RHOJ: variants seen among roughly 807,000 people sequenced by gnomAD.
RHOJ encodes ras homolog family member J.
In RHOJ, 11 loss-of-function variants were observed where a neutral mutation model predicts 23.4. The ratio of observed to expected loss-of-function variants is 0.47; its 90% CI spans 0.30 to 0.78. The LOEUF is 0.78. Among genes scored for constraint, RHOJ ranks in the 30% least tolerant of loss-of-function variants. The probability of loss-of-function intolerance (pLI) is 0.08; values close to 1 mark genes in which losing one functional copy is unlikely to be tolerated. For synonymous variants in RHOJ, 102 were observed against 102.7 expected (o/e 0.99, Z 0.04); for missense variants, 254 against 273.4 (o/e 0.93, Z 0.50).
At chr14:63,253,796 G>T (rs17824486) in intron 1 of RHOJ, among the ~76,000 whole-genome samples, 8,279 of 152,258 alleles carry the variant, frequency 0.054, 278 homozygotes, top group East Asian at 0.13. Context: ...ACTGGTAGAG[G>T]GTCAACCAAT....
intron 1 of RHOJ, among the ~76,000 whole-genome samples, chr14:63,206,759 A>C (rs1468451305): frequency 6.6e-6 from 1 of 152,234 alleles, no homozygotes; most frequent in African/African-American, 2.4e-5. Context: ...TTTATGTTTT[A>C]ATAATGTACA....
At chr14:63,247,179 AT>A (rs1176075620) in intron 1 of RHOJ, among the ~76,000 whole-genome samples, 1 of 152,196 alleles carries the variant, frequency 6.6e-6, no homozygotes, top group Non-Finnish European at 1.5e-5. Context: ...AGTTGGTAGA[AT>A]TGTGTTGAAA....
rs1882232129 is a variant in RHOJ, at chr14:63,290,973, G to A, written c.594G>A (p.Lys198=). The A allele has an allele frequency of 6.2e-7, 1 of 1,613,984 alleles. No individual in the cohort carries two copies. Among genetic ancestry groups the A allele is most frequent in the South Asian group, 1.1e-5 (1 of 91,076 alleles). The change falls in exon 5 of 5, where the codon AAG becomes AAA. Residue 198 remains lysine, a synonymous_variant. Coordinates refer to ENST00000316754, the MANE Select transcript of RHOJ (RefSeq NM_020663.5). ...CAATCCTCACCATTTTCCACCCCAA[G>A]AAAAAGAAGAAACGCTGTTCTGAGG... ...DEAILTIFHP[K]KKKKRCSEGH... is the part of the protein sequence containing the mutation.
chr14:63,216,812 T>G lies in RHOJ; in HGVS notation c.178+11765T>G, dbSNP rs571630706. Among the ~76,000 whole-genome samples the G allele has an allele frequency of 5.9e-5, 9 of 152,336 alleles. No individual in the cohort carries two copies. In the South Asian group the frequency reaches 1.9e-3, roughly 32 times the overall value. The stretch of plus-strand genomic sequence containing the variant: ...CTTTGCTGTAAAGATCCTACTCTAT[T>G]CATTTCATTCATTTAGCCTCTTAAT... On this transcript the variant is annotated intron_variant, in intron 1 of 4. Transcript: ENST00000316754.
At chr14:63,220,145 T>C (rs1566606845) in intron 1 of RHOJ, among the ~76,000 whole-genome samples, 1 of 152,130 alleles carries the variant, frequency 6.6e-6, no homozygotes, top group South Asian at 2.1e-4. Context: ...ATAATGCAAG[T>C]CTATCCCCAA....
intron 1 of RHOJ, among the ~76,000 whole-genome samples, chr14:63,240,557 T>C (rs1894865943): frequency 6.6e-6 from 1 of 152,050 alleles, no homozygotes; most frequent in Non-Finnish European, 1.5e-5. Flanking sequence ...TGTGAATAAA[T>C]AGATACTGGA....
chr14:63,219,925 TA>T (rs1316313377), intron 1 of RHOJ, among the ~76,000 whole-genome samples: 1 of 152,124 alleles, frequency 6.6e-6, no homozygotes, highest in Non-Finnish European at 1.5e-5. Flanking sequence ...AGCAGTACAT[TA>T]ACTTAACGAG....
Position 63,268,838 on chromosome 14 carries a change from G to C in RHOJ, c.179-272G>C, listed in dbSNP as rs541653362. Among the ~76,000 whole-genome samples the C allele has an allele frequency of 8.5e-5, 13 of 152,204 alleles. No individual in the cohort carries two copies. The South Asian group carries it at 2.1e-3, about 24-fold the overall frequency. ...GTGTTCTAGAGCCGAATAAGGATCA[G>C]TGGGTAGCCCACAGAGTGTCCTGGT... is the stretch of plus-strand genomic sequence containing the variant. On this transcript the variant is annotated intron_variant, in intron 1 of 4. Transcript: ENST00000316754.
intron 1 of RHOJ, among the ~76,000 whole-genome samples, chr14:63,219,201 C>T (rs896051024): frequency 6.6e-6 from 1 of 152,046 alleles, no homozygotes; most frequent in Non-Finnish European, 1.5e-5. Context: ...TCCCATAAAC[C>T]CTGCAATTAA....
At chr14:63,208,930 C>T (rs74577178) in intron 1 of RHOJ, among the ~76,000 whole-genome samples, 2,633 of 152,250 alleles carry the variant, frequency 0.017, 92 homozygotes, top group African/African-American at 0.061. Context: ...TACTCTTCCC[C>T]TAGGCTTCCC....
At chr14:63,249,871 T>TG (rs1309265726) in intron 1 of RHOJ, among the ~76,000 whole-genome samples, 1 of 152,354 alleles carries the variant, frequency 6.6e-6, no homozygotes, top group East Asian at 1.9e-4. Context: ...TAAGAACCAC[T>TG]GCTCTTAGTA....
intron 2 of RHOJ, among the ~76,000 whole-genome samples, chr14:63,276,681 G>A (rs559522326): frequency 6.6e-6 from 1 of 152,272 alleles, no homozygotes; most frequent in African/African-American, 2.4e-5. Flanking sequence ...CTCAGCTGGA[G>A]GGCCAGGAGG....
At chr14:63,218,582 C>T (rs933656522) in intron 1 of RHOJ, among the ~76,000 whole-genome samples, 1 of 152,126 alleles carries the variant, frequency 6.6e-6, no homozygotes, top group Non-Finnish European at 1.5e-5. Context: ...GCTTCATTCC[C>T]GTCCTATCAG....
intron 1 of RHOJ, among the ~76,000 whole-genome samples, chr14:63,219,280 C>A (rs1237783891): frequency 1.3e-5 from 2 of 152,002 alleles, no homozygotes; most frequent in Non-Finnish European, 2.9e-5. Context: ...ACAGAAGGAT[C>A]CATTTGTTCA....
intron 1 of RHOJ, among the ~76,000 whole-genome samples, chr14:63,224,383 G>T (rs1410263967): frequency 2.0e-5 from 3 of 152,128 alleles, no homozygotes; most frequent in Admixed American, 6.5e-5. Flanking sequence ...TAACTCATGC[G>T]CACGGTCTTG....
intron 1 of RHOJ, among the ~76,000 whole-genome samples, chr14:63,262,284 C>T (rs1021275676): frequency 1.3e-5 from 2 of 152,134 alleles, no homozygotes; most frequent in Non-Finnish European, 2.9e-5. Flanking sequence ...GGGAAGTAGA[C>T]GTAAGTTCTA....
intron 1 of RHOJ, among the ~76,000 whole-genome samples, chr14:63,249,077 T>C (rs927666284): frequency 6.6e-6 from 1 of 152,324 alleles, no homozygotes; most frequent in Non-Finnish European, 1.5e-5. Context: ...TCAGAGCCCA[T>C]TCTTGCAAAC....
Position 63,281,060 on chromosome 14 carries a change from C to T in RHOJ, c.327C>T (p.His109=), listed in dbSNP as rs1304439888. Residue 109 remains histidine, a synonymous_variant, in exon 3 of 5, where the codon CAC becomes CAT. Coordinates refer to ENST00000316754, the MANE Select transcript of RHOJ (RefSeq NM_020663.5). The part of the protein sequence containing the change: ...CFSVVNPASY[H]NVQEEWVPEL... ...CTGTCGTAAACCCTGCCTCTTACCA[C>T]AATGTCCAGGAGGAATGGGTCCCCG... The T allele has an allele frequency of 9.3e-6, 15 of 1,614,146 alleles. No individual in the cohort carries two copies. Among genetic ancestry groups the T allele is most frequent in the Non-Finnish European group, 1.1e-5 (13 of 1,180,006 alleles).
chr14:63,204,724 C>A lies in RHOJ; in HGVS notation c.-146C>A. Reference sequence around the variant, plus strand: ...TGGTAAGCAACAGGACATATCCCAGCCTCGGACATGTCTGTATGATCCAAG... The same window carrying A: ...TGGTAAGCAACAGGACATATCCCAGACTCGGACATGTCTGTATGATCCAAG... On this transcript the variant is annotated 5_prime_UTR_variant, in exon 1 of 5. Coordinates refer to ENST00000316754, the MANE Select transcript of RHOJ (RefSeq NM_020663.5). The A allele has an allele frequency of 1.4e-6, 1 of 719,744 alleles. No homozygotes were observed. The highest frequency in any genetic ancestry group is 2.3e-6 in the Non-Finnish European group (1 of 426,660). 44.6% of individuals were successfully genotyped at this position (719,744 alleles called of 1,614,324 possible).
Sources: gnomAD v4.1 joint callset for allele counts (sites outside exome capture counted in the v4.1 genomes callset) on GRCh38, gnomAD v4.1.1 for gene constraint, MANE v1.5 for transcripts, NCBI Gene and HGNC (gene_info 2026-07-23, HGNC 2026-07-21) for gene names.